The following TMEM178B variants were observed in gnomAD, a reference collection of about 807,000 sequenced individuals.
TMEM178B encodes the protein transmembrane protein 178B.
Under a neutral mutation model 31.0 loss-of-function variants are expected in TMEM178B, and 5 were observed. The observed-to-expected ratio is 0.16, with a 90% CI of 0.08 to 0.34. TMEM178B has a LOEUF of 0.34. Ranked by LOEUF, TMEM178B falls within the 10% of genes least tolerant of loss-of-function variation. The pLI, the probability that TMEM178B is intolerant of heterozygous loss-of-function variation, is 1.00. For synonymous variants in TMEM178B, 164 were observed against 164.0 expected (o/e 1.00, Z 0.00); for missense variants, 275 against 400.3 (o/e 0.69, Z 2.67).
At chr7:141,288,178 C>G (rs1798479417) in intron 2 of TMEM178B, among the ~76,000 whole-genome samples, 1 of 144,466 alleles carries the variant, frequency 6.9e-6, no homozygotes, top group South Asian at 2.2e-4. Flanking sequence ...GTGTGGCCCT[C>G]TTTAGATGCC....
At chr7:141,229,011 A>ATTTTTT (rs1388706357) in intron 2 of TMEM178B, among the ~76,000 whole-genome samples, 1 of 85,476 alleles carries the variant, frequency 1.2e-5, no homozygotes, top group African/African-American at 5.5e-5. Flanking sequence ...AGTCAGTACT[A>ATTTTTT]TCTTTTTTTT....
chr7:141,170,619 C>G (rs540818187), intron 1 of TMEM178B, among the ~76,000 whole-genome samples: 1 of 152,250 alleles, frequency 6.6e-6, no homozygotes, highest in Non-Finnish European at 1.5e-5. Flanking sequence ...CTCAAATTCC[C>G]CCCCATATCT....
chr7:141,163,025 C>A (rs1408755645), intron 1 of TMEM178B, among the ~76,000 whole-genome samples: 2 of 152,188 alleles, frequency 1.3e-5, no homozygotes, highest in Non-Finnish European at 2.9e-5. Flanking sequence ...GTGTAACAAC[C>A]AACCACAAAG....
chr7:141,462,131 C>CA (rs1802069206), intron 3 of TMEM178B, among the ~76,000 whole-genome samples: 1 of 152,178 alleles, frequency 6.6e-6, no homozygotes, highest in African/African-American at 2.4e-5. Context: ...GAGGAAACAG[C>CA]AGAGAGGGTA....
At chr7:141,209,391 A>G (rs1030915053) in intron 1 of TMEM178B, among the ~76,000 whole-genome samples, 2 of 152,268 alleles carry the variant, frequency 1.3e-5, no homozygotes, top group African/African-American at 4.8e-5. Context: ...GAGTTCTGCA[A>G]CAATCGCCTC....
At chr7:141,185,199 T>C (rs915346881) in intron 1 of TMEM178B, among the ~76,000 whole-genome samples, 1 of 152,134 alleles carries the variant, frequency 6.6e-6, no homozygotes, top group Non-Finnish European at 1.5e-5. Context: ...GGGTGCTCTT[T>C]AGTTTAGCCG....
intron 2 of TMEM178B, among the ~76,000 whole-genome samples, chr7:141,314,695 G>C (rs1400596203): frequency 6.6e-6 from 1 of 152,050 alleles, no homozygotes; most frequent in Non-Finnish European, 1.5e-5. Flanking sequence ...GTCTAATCTT[G>C]CTTCTCTTCT....
At chr7:141,108,143 T>C (rs1795175762) in intron 1 of TMEM178B, among the ~76,000 whole-genome samples, 1 of 151,842 alleles carries the variant, frequency 6.6e-6, no homozygotes, top group East Asian at 1.9e-4. Context: ...GAAGGAGAAA[T>C]ATTGGAGGCC....
intron 1 of TMEM178B, among the ~76,000 whole-genome samples, chr7:141,106,608 G>A (rs908156032): frequency 1.3e-5 from 2 of 151,968 alleles, no homozygotes; most frequent in African/African-American, 4.8e-5. Flanking sequence ...TCTTCCTCAG[G>A]CCACTTTCTG....
the TMEM178B span, among the ~76,000 whole-genome samples, chr7:141,499,846 A>G: frequency 2.0e-5 from 3 of 152,228 alleles, no homozygotes; most frequent in Non-Finnish European, 4.4e-5. Flanking sequence ...ATGGGAGAAA[A>G]GCAGCTTGGC....
intron 2 of TMEM178B, among the ~76,000 whole-genome samples, chr7:141,433,442 C>A (rs936262181): frequency 6.6e-6 from 1 of 152,154 alleles, no homozygotes; most frequent in South Asian, 2.1e-4. Flanking sequence ...GGACAGCATC[C>A]GTCAGCCCTG....
chr7:141,265,067 G>T (rs1175460401), intron 2 of TMEM178B, among the ~76,000 whole-genome samples: 2 of 152,180 alleles, frequency 1.3e-5, no homozygotes, highest in Non-Finnish European at 2.9e-5. Context: ...AGACTCACAG[G>T]TGACAAAGCC....
intron 2 of TMEM178B, among the ~76,000 whole-genome samples, chr7:141,216,552 T>C (rs949030759): frequency 6.6e-6 from 1 of 151,444 alleles, no homozygotes; most frequent in Admixed American, 6.6e-5. Context: ...CTGGTGTGTG[T>C]GTGTGTGGTA....
At chr7:141,395,508 G>A (rs1487089840) in intron 2 of TMEM178B, among the ~76,000 whole-genome samples, 1 of 152,164 alleles carries the variant, frequency 6.6e-6, no homozygotes, top group East Asian at 1.9e-4. Flanking sequence ...GAGTTTCCTT[G>A]TTTTGGATCT....
intron 2 of TMEM178B, among the ~76,000 whole-genome samples, chr7:141,418,120 G>C (rs1325537881): frequency 2.0e-5 from 3 of 152,154 alleles, no homozygotes; most frequent in Non-Finnish European, 4.4e-5. Flanking sequence ...TCTCTGCTAA[G>C]TCTTTCTCCT....
chr7:141,368,932 G>T (rs1800059042), intron 2 of TMEM178B, among the ~76,000 whole-genome samples: 1 of 152,320 alleles, frequency 6.6e-6, no homozygotes, highest in Non-Finnish European at 1.5e-5. Context: ...CAAGGAAGGG[G>T]TTGTTAGTGA....
At chr7:141,399,534 A>G (rs565897004) in intron 2 of TMEM178B, among the ~76,000 whole-genome samples, 1 of 152,276 alleles carries the variant, frequency 6.6e-6, no homozygotes, top group Admixed American at 6.5e-5. Context: ...AGTCTATGGT[A>G]ATGAAATGTT....
At chr7:141,164,428 G>C (rs1586804294) in intron 1 of TMEM178B, among the ~76,000 whole-genome samples, 1 of 152,286 alleles carries the variant, frequency 6.6e-6, no homozygotes. Context: ...TCACCAACCA[G>C]TGAGACCCAG....
At chr7:141,453,249 T>A (rs1801901562) in intron 3 of TMEM178B, among the ~76,000 whole-genome samples, 1 of 152,268 alleles carries the variant, frequency 6.6e-6, no homozygotes, top group African/African-American at 2.4e-5. Flanking sequence ...AGGGGCTCCC[T>A]GCCTTGTGGG....
Sources: allele counts gnomAD v4.1 joint callset (sites outside exome capture counted in the v4.1 genomes callset), GRCh38; gene constraint gnomAD v4.1.1; transcripts MANE v1.5; gene names NCBI Gene and HGNC (gene_info 2026-07-23, HGNC 2026-07-21).